VWA8: variants seen among roughly 807,000 people sequenced by gnomAD.
VWA8 encodes von Willebrand factor A domain containing 8.
A neutral mutation model predicts 241.5 loss-of-function variants in VWA8; 221 were observed. That is an observed-to-expected ratio of 0.91 (90% CI 0.82 to 1.02). The LOEUF (loss-of-function observed/expected upper bound fraction) is 1.02. Among genes scored for constraint, VWA8 ranks in the 50% least tolerant of loss-of-function variants. The pLI, the probability that VWA8 is intolerant of heterozygous loss-of-function variation, is 0.00. For missense variants in VWA8, 2,322 were observed against 2,328.7 expected (o/e 1.00, Z 0.06); for synonymous variants, 852 against 827.1 (o/e 1.03, Z -0.52).
intron 10 of VWA8, among the ~76,000 whole-genome samples, chr13:41,867,358 C>G (rs1201125669): frequency 6.6e-6 from 1 of 152,192 alleles, no homozygotes; most frequent in Non-Finnish European, 1.5e-5. Context: ...CTTAACTCGT[C>G]TGCCTCTATC....
intron 28 of VWA8, among the ~76,000 whole-genome samples, chr13:41,700,734 TG>T (rs1216308932): frequency 4.6e-5 from 7 of 152,234 alleles, no homozygotes; most frequent in African/African-American, 1.7e-4. Context: ...ATAGCAGATT[TG>T]TGGAATAAAC....
chr13:41,701,371 C>T lies in VWA8; in HGVS notation c.3364+21G>A, dbSNP rs751446772. On this transcript the variant is annotated intron_variant, in intron 28 of 44. Coordinates refer to ENST00000379310, the MANE Select transcript of VWA8 (RefSeq NM_015058.2). Reference sequence around the variant, plus strand: ...AAAAACATGTGCAGGAAGGAAAGATCAAAAGAATAAGCAGACATACCATGT... The same window carrying T: ...AAAAACATGTGCAGGAAGGAAAGATTAAAAGAATAAGCAGACATACCATGT... The T allele has an allele frequency of 2.6e-6, 4 of 1,546,656 alleles. No individual in the cohort carries two copies. In the Admixed American group the frequency reaches 6.3e-5, roughly 24 times the overall value.
chr13:41,791,612 T>C (rs1230360075), intron 17 of VWA8, among the ~76,000 whole-genome samples: 1 of 151,884 alleles, frequency 6.6e-6, no homozygotes, highest in Non-Finnish European at 1.5e-5. Context: ...TATTGTACTG[T>C]TTATCACATT....
At chr13:41,678,451 C>T (rs577578316) in intron 35 of VWA8, among the ~76,000 whole-genome samples, 1 of 152,270 alleles carries the variant, frequency 6.6e-6, no homozygotes, top group East Asian at 1.9e-4. Flanking sequence ...TCCTGCTGCT[C>T]GAACCTAGCT....
intron 37 of VWA8, among the ~76,000 whole-genome samples, chr13:41,639,314 C>T (rs563404896): frequency 2.0e-5 from 3 of 152,280 alleles, no homozygotes; most frequent in Admixed American, 2.0e-4. Flanking sequence ...CCTAAAGCCA[C>T]ATTTTGGACA....
At chr13:41,864,938 C>A (rs952043976) in intron 12 of VWA8, among the ~76,000 whole-genome samples, 1 of 141,652 alleles carries the variant, frequency 7.1e-6, no homozygotes, top group South Asian at 2.2e-4. Flanking sequence ...TGCAGTGAGC[C>A]GAGATTGTGC....
rs146289112 is a variant in VWA8 at position 41,895,181 on chromosome 13, T to C, written c.484-3594A>G. Among the ~76,000 whole-genome samples the C allele has an allele frequency of 3.2e-3, 487 of 152,242 alleles. 2 individuals are homozygous for C. The highest frequency in any genetic ancestry group is 5.3e-3 in the Non-Finnish European group (363 of 68,008). On this transcript the variant is annotated intron_variant, in intron 4 of 44. Coordinates refer to ENST00000379310, the MANE Select transcript of VWA8 (RefSeq NM_015058.2). ...GTAGGGCCTACAAGTTTATAACTGATACATATCAGGCGCTTCCAAGTATAC... is the reference window on the plus strand; with the variant it reads ...GTAGGGCCTACAAGTTTATAACTGACACATATCAGGCGCTTCCAAGTATAC...
chr13:41,698,770 A>G (rs1395556237), intron 29 of VWA8, among the ~76,000 whole-genome samples: 3 of 152,144 alleles, frequency 2.0e-5, no homozygotes, highest in Non-Finnish European at 4.4e-5. Context: ...TTACTTGTCT[A>G]TCTCCCCAAA....
chr13:41,719,693 A>G lies in VWA8; in HGVS notation c.3014T>C (p.Phe1005Ser). ...LSSVVRNVFD[F>S]DSYNNDMREI... Reference sequence around the variant, plus strand: ...CCTCATGTCATTGTTGTAGGAATCAAAGTCAAACACATTTCGAACTACACT... The same window carrying G: ...CCTCATGTCATTGTTGTAGGAATCAGAGTCAAACACATTTCGAACTACACT... Residue 1005 changes from phenylalanine (F) to serine (S), a missense_variant, in exon 26 of 45, where the codon TTT (phenylalanine) becomes TCT (serine). By Grantham distance (155) the Phe-to-Ser change is radical (BLOSUM62 -2). Coordinates refer to ENST00000379310, the MANE Select transcript of VWA8 (RefSeq NM_015058.2). The G allele has an allele frequency of 6.2e-7, 1 of 1,613,220 alleles. No homozygotes were observed.
intron 21 of VWA8, among the ~76,000 whole-genome samples, chr13:41,758,525 T>C (rs2045716205): frequency 6.9e-6 from 1 of 144,734 alleles, no homozygotes; most frequent in Non-Finnish European, 1.5e-5. Context: ...AATATATATA[T>C]ATGGAATACA....
In VWA8 at chr13:41,578,500, T is replaced by G. The variant is rs563102424; in HGVS notation, c.5272-2662A>C. 3.4e-4 allele frequency among the ~76,000 whole-genome samples: 52 copies of G among 152,234 alleles called. 1 individual carries two copies. In the South Asian group the frequency reaches 0.011, roughly 31 times the overall value. On this transcript the variant is annotated intron_variant, in intron 42 of 44. Coordinates refer to ENST00000379310, the MANE Select transcript of VWA8 (RefSeq NM_015058.2). Reference sequence around the variant, plus strand: ...TGCTATCCAAGGATTCCAACATGGTTTACCAACAGTGATTTGCTAATCCTG... The same window carrying G: ...TGCTATCCAAGGATTCCAACATGGTGTACCAACAGTGATTTGCTAATCCTG...
In VWA8 at chr13:41,685,110, T is replaced by C. The variant is rs1297522866; in HGVS notation, c.4264A>G (p.Thr1422Ala). 3 of 1,613,692 alleles carry C rather than the reference T, an allele frequency of 1.9e-6. No homozygotes were observed. The Admixed American group carries it at 5.0e-5, about 27-fold the overall frequency. Residue 1422 changes from threonine (T) to alanine (A), a missense_variant, in exon 35 of 45, where the codon ACG becomes GCG. Transcript: ENST00000379310. ...GGTAAAATCCTCACTACCTGATTCGTATCTAAAAGAGTCACACAATTGCTT... is the reference window on the plus strand; with the variant it reads ...GGTAAAATCCTCACTACCTGATTCGCATCTAAAAGAGTCACACAATTGCTT... ...KQSNCVTLLDTNQVVRILPPG... is the reference protein window; with the variant it reads ...KQSNCVTLLDANQVVRILPPG...
intron 37 of VWA8, among the ~76,000 whole-genome samples, chr13:41,640,916 C>A (rs1182565390): frequency 6.6e-6 from 1 of 151,924 alleles, no homozygotes; most frequent in Admixed American, 6.6e-5. Flanking sequence ...GTACCCAGAC[C>A]ATTGTTTTGT....
At chr13:41,932,489 CAA>C (rs1430137118) in intron 2 of VWA8, among the ~76,000 whole-genome samples, 1 of 151,942 alleles carries the variant, frequency 6.6e-6, no homozygotes, top group East Asian at 1.9e-4. Flanking sequence ...CGAAATCTGA[CAA>C]AGACATGACA....
chr13:41,768,685 T>C (rs994352283), intron 20 of VWA8, among the ~76,000 whole-genome samples: 1 of 152,168 alleles, frequency 6.6e-6, no homozygotes, highest in African/African-American at 2.4e-5. Flanking sequence ...CAGTGAAAGT[T>C]ACTTTTATAA....
intron 21 of VWA8, among the ~76,000 whole-genome samples, chr13:41,745,360 A>T (rs1441761175): frequency 1.3e-5 from 2 of 151,996 alleles, no homozygotes; most frequent in African/African-American, 2.4e-5. Flanking sequence ...TCATTGTTCA[A>T]TTCCCACCTA....
intron 33 of VWA8, 21 bp from the exon 34 acceptor site, chr13:41,689,529 AC>A: frequency 6.3e-7 from 1 of 1,584,306 alleles, no homozygotes; most frequent in African/African-American, 1.3e-5. Context: ...CAAACATTAG[AC>A]ACCATATGCT....
At chr13:41,719,340 A>C in intron 26 of VWA8, 1 of 1,313,566 alleles carries the variant, frequency 7.6e-7, no homozygotes, top group Non-Finnish European at 9.7e-7. Flanking sequence ...GAGACTGTTA[A>C]AGAAACAAAT....
intron 23 of VWA8, 51 bp downstream of exon 23, chr13:41,729,491 G>A: frequency 6.4e-7 from 1 of 1,560,874 alleles, no homozygotes; most frequent in Non-Finnish European, 8.7e-7. Context: ...TTGATACAGA[G>A]ATATAAACAT....
Sources: allele counts gnomAD v4.1 joint callset (sites outside exome capture counted in the v4.1 genomes callset), GRCh38; gene constraint gnomAD v4.1.1; transcripts MANE v1.5; gene names NCBI Gene and HGNC (gene_info 2026-07-23, HGNC 2026-07-21).